Variants in PRKAG2 observed in about 807,000 individuals in gnomAD.
PRKAG2 encodes 5'-AMP-activated protein kinase subunit gamma-2.
In PRKAG2, 26 loss-of-function variants were observed where a neutral mutation model predicts 69.6. The observed-to-expected ratio is 0.37, with a 90% confidence interval of 0.27 to 0.52. The LOEUF is 0.52. PRKAG2 is among the 20% of genes least tolerant of loss of function. The probability of loss-of-function intolerance (pLI) is 0.90; values close to 1 mark genes in which losing one functional copy is unlikely to be tolerated. For synonymous variants in PRKAG2, 293 were observed against 285.0 expected (o/e 1.03, Z -0.28); for missense variants, 557 against 740.0 (o/e 0.75, Z 2.87).
chr7:151,806,321 AG>A (rs1275247007), intron 1 of PRKAG2, among the ~76,000 whole-genome samples: 4 of 152,262 alleles, frequency 2.6e-5, no homozygotes, highest in African/African-American at 9.6e-5. Context: ...AAAAGAAAAA[AG>A]AAAAAGGCAG....
In PRKAG2 at chr7:151,572,813, G is replaced by A. The variant is rs975565132; in HGVS notation, c.1006-104C>T. 53 of 765,916 alleles carry A rather than the reference G, an allele frequency of 6.9e-5. No homozygotes were observed. In the East Asian group the frequency reaches 8.4e-4, roughly 12 times the overall value. 47.4% of individuals were successfully genotyped at this position (765,916 alleles called of 1,614,324 possible). On this transcript the variant is annotated intron_variant, in intron 8 of 15. Coordinates refer to ENST00000287878, the MANE Select transcript of PRKAG2 (RefSeq NM_016203.4). ...GCTTGGATAATAGCATTTTCTATTCGCAATTAGAAAATGAGGCGGCCAGGT... is the reference window on the plus strand; with the variant it reads ...GCTTGGATAATAGCATTTTCTATTCACAATTAGAAAATGAGGCGGCCAGGT...
intron 5 of PRKAG2, among the ~76,000 whole-genome samples, chr7:151,603,112 C>T (rs1816539562): frequency 6.6e-6 from 1 of 151,578 alleles, no homozygotes; most frequent in African/African-American, 2.4e-5. Context: ...ACTCACCACA[C>T]ACGGAGGCAC....
rs182892591 is a variant in PRKAG2 at position 151,720,943 on chromosome 7, G to T, written c.467-45306C>A. Among the ~76,000 whole-genome samples the T allele has an allele frequency of 4.0e-3, 583 of 147,162 alleles. 3 individuals are homozygous for T. The highest frequency in any genetic ancestry group is 0.014 in the African/African-American group (550 of 39,504). ...GGAGGGGGATGGAGAGGGATGGAGC[G>T]GGGTAATAAGGGCAGAAGGAACAGA... On this transcript the variant is annotated intron_variant, in intron 3 of 15. Transcript: ENST00000287878.
At chr7:151,595,048 T>G (rs971935298) in intron 6 of PRKAG2, among the ~76,000 whole-genome samples, 1 of 152,190 alleles carries the variant, frequency 6.6e-6, no homozygotes, top group African/African-American at 2.4e-5. Flanking sequence ...TCTGCCAGCC[T>G]CGGCCTCCCA....
chr7:151,693,442 CG>C (rs1167313656), intron 3 of PRKAG2, among the ~76,000 whole-genome samples: 6 of 152,200 alleles, frequency 3.9e-5, no homozygotes, highest in Non-Finnish European at 8.8e-5. Flanking sequence ...ATCACCTCCC[CG>C]GGCCATCAGC....
At chr7:151,809,125 G>A in intron 1 of PRKAG2, 1 of 415,868 alleles carries the variant, frequency 2.4e-6, no homozygotes, top group Non-Finnish European at 4.9e-6. Flanking sequence ...CCTGCAGCTG[G>A]CTCCCAGCCA....
chr7:151,675,698 G>T, intron 3 of PRKAG2, 61 bp from the exon 4 acceptor site: 1 of 1,487,582 alleles, frequency 6.7e-7, no homozygotes, highest in Non-Finnish European at 9.4e-7. Context: ...CGTCGGGGGT[G>T]GTCAGAGGTC....
chr7:151,616,651 G>T (rs1257367575), intron 5 of PRKAG2, among the ~76,000 whole-genome samples: 4 of 152,256 alleles, frequency 2.6e-5, no homozygotes, highest in Non-Finnish European at 4.4e-5. Context: ...ACTGTGCAGT[G>T]TGATAAGCAC....
intron 4 of PRKAG2, among the ~76,000 whole-genome samples, chr7:151,635,597 A>G (rs1291962791): frequency 1.3e-5 from 2 of 152,192 alleles, no homozygotes; most frequent in Admixed American, 6.5e-5. Context: ...CTAAAACGTC[A>G]TATACTGTAT....
chr7:151,587,119 C>G (rs535817585), intron 6 of PRKAG2, among the ~76,000 whole-genome samples: 1 of 152,010 alleles, frequency 6.6e-6, no homozygotes, highest in African/African-American at 2.4e-5. Flanking sequence ...CCAGCCTGGG[C>G]GACAGAGCGA....
At chr7:151,875,623 A>T (rs2080375402) in intron 1 of PRKAG2, among the ~76,000 whole-genome samples, 1 of 133,294 alleles carries the variant, frequency 7.5e-6, no homozygotes, top group Non-Finnish European at 1.7e-5. Flanking sequence ...GTACACAAAC[A>T]TTTACTTGGT....
At position 151,781,163 on chromosome 7, in the gene PRKAG2, C is replaced by A; in HGVS notation, c.455G>T (p.Arg152Leu). The A allele has an allele frequency of 6.2e-7, 1 of 1,613,824 alleles. No homozygotes were observed. The highest frequency in any genetic ancestry group is 8.5e-7 in the Non-Finnish European group (1 of 1,180,002). The change falls in exon 3 of 16, where the codon CGC (arginine) becomes CTC (leucine). Residue 152 changes from arginine (R) to leucine (L), a missense_variant. Around this residue, in one of 2 missense-constraint regions of PRKAG2, gnomAD observed 352 missense variants for 356.7 expected, o/e 0.99. Transcript: ENST00000287878. This position sits in a 1 kb window ranked among gnomAD's most constrained non-coding sequence, Gnocchi z 6.1. ...TSPGGIRFFS[R>L]SRKTSGLSSS... is the part of the protein sequence containing the mutation. The stretch of plus-strand genomic sequence containing the variant: ...CATCAAGGTCTTACTTTTTCTGGAG[C>A]GGGAGAAAAACCTGATGCCCCCGGG...
chr7:151,800,802 C>T (rs1009341544), intron 1 of PRKAG2, among the ~76,000 whole-genome samples: 9 of 152,190 alleles, frequency 5.9e-5, no homozygotes, highest in Non-Finnish European at 2.9e-5. Context: ...ACAGAATGTA[C>T]ACCACCAAGA....
chr7:151,570,569 A>G (rs1807307116), intron 9 of PRKAG2, among the ~76,000 whole-genome samples: 1 of 152,222 alleles, frequency 6.6e-6, no homozygotes, highest in Non-Finnish European at 1.5e-5. Flanking sequence ...CTCTCAAGAA[A>G]TGAAGCAATT....
Position 151,786,489 on chromosome 7 carries a change from C to A in PRKAG2, c.167G>T (p.Gly56Val). ...PLLDGDLEGS[G>V]KHSSRKVDSP... ...TCTTACCTTTCGAGAGGAATGCTTT[C>A]CGGAACCCTCCAGGTCTCCGTCCAG... Residue 56 changes from glycine to valine, a missense_variant, in exon 2 of 16, where the codon GGA becomes GTA. By Grantham distance (109) the Gly-to-Val change is moderately radical (BLOSUM62 -3). Coordinates refer to ENST00000287878, the MANE Select transcript of PRKAG2 (RefSeq NM_016203.4). 1 of 1,612,660 alleles carries A rather than the reference C, an allele frequency of 6.2e-7. No homozygotes were observed. Among genetic ancestry groups the A allele is most frequent in the Non-Finnish European group, 8.5e-7 (1 of 1,179,534 alleles).
At chr7:151,636,366 TG>T (rs1423476354) in intron 4 of PRKAG2, among the ~76,000 whole-genome samples, 3 of 152,172 alleles carry the variant, frequency 2.0e-5, no homozygotes, top group Non-Finnish European at 4.4e-5. Flanking sequence ...CCTGTCTCTA[TG>T]GATTTGCCGA....
intron 3 of PRKAG2, among the ~76,000 whole-genome samples, chr7:151,748,955 A>G (rs1415719548): frequency 6.6e-6 from 1 of 152,210 alleles, no homozygotes; most frequent in Non-Finnish European, 1.5e-5. Flanking sequence ...AAAATTTTAA[A>G]ACACAGTTTT....
intron 1 of PRKAG2, among the ~76,000 whole-genome samples, chr7:151,827,646 A>T (rs903847956): frequency 6.6e-6 from 1 of 151,270 alleles, no homozygotes; most frequent in Middle Eastern, 3.2e-3. Flanking sequence ...CTCATTTTAC[A>T]TAAAGAGAAA....
At chr7:151,591,033 G>A (rs1468773326) in intron 6 of PRKAG2, among the ~76,000 whole-genome samples, 1 of 152,186 alleles carries the variant, frequency 6.6e-6, no homozygotes, top group African/African-American at 2.4e-5. Context: ...GGAGACAGGG[G>A]CATTGGCACG....
Sources: gnomAD v4.1 joint callset for allele counts (sites outside exome capture counted in the v4.1 genomes callset) on GRCh38, gnomAD v4.1.1 for gene constraint, gnomAD v4.1.1 regional missense constraint, Gnocchi (gnomAD v3.1) non-coding constraint, MANE v1.5 for transcripts, NCBI Gene and HGNC (gene_info 2026-07-23, HGNC 2026-07-21) for gene names.